CHST15: variants seen among roughly 807,000 people sequenced by gnomAD.
CHST15 encodes B cell RAG associated protein (GALNAC4S-6ST).
CHST15 carries 30 observed loss-of-function variants against 53.6 expected under a neutral mutation model. The ratio of observed to expected loss-of-function variants is 0.56; its 90% CI spans 0.42 to 0.76. The LOEUF is 0.76. Among genes scored for constraint, CHST15 ranks in the 30% least tolerant of loss-of-function variants. The pLI, the probability that CHST15 is intolerant of heterozygous loss-of-function variation, is 0.00. For missense variants in CHST15, 627 were observed against 740.5 expected (o/e 0.85, Z 1.78); for synonymous variants, 296 against 289.8 (o/e 1.02, Z -0.22).
intron 1 of CHST15, among the ~76,000 whole-genome samples, chr10:124,089,486 C>T (rs139178485): frequency 1.8e-3 from 281 of 152,258 alleles, no homozygotes; most frequent in African/African-American, 6.3e-3. Context: ...TCTAAGAGGC[C>T]TCAGCCCAGT....
intron 1 of CHST15, among the ~76,000 whole-genome samples, chr10:124,082,063 G>C (rs1590367562): frequency 6.6e-6 from 1 of 152,306 alleles, no homozygotes; most frequent in Non-Finnish European, 1.5e-5. Flanking sequence ...TGGATGGGGA[G>C]ATGTTCTGGG....
At chr10:124,029,215 C>T (rs1032772042) in intron 5 of CHST15, among the ~76,000 whole-genome samples, 19 of 152,176 alleles carry the variant, frequency 1.2e-4, no homozygotes, top group Non-Finnish European at 1.8e-4. Context: ...TGAGACGGAG[C>T]CCTTTTGTTC....
At chr10:124,065,290 G>A (rs745972173) in intron 1 of CHST15, among the ~76,000 whole-genome samples, 61 of 152,258 alleles carry the variant, frequency 4.0e-4, no homozygotes, top group Non-Finnish European at 5.6e-4. Context: ...GGCTGAGGTC[G>A]GGGGATCTCT....
In CHST15 at chr10:124,011,350, A is replaced by G. The variant is rs914778163; in HGVS notation, c.1495+983T>C. The G allele has an allele frequency of 6.2e-6, 6 of 969,522 alleles. No individual in the cohort carries two copies. The African/African-American group carries it at 1.1e-4, about 17-fold the overall frequency. 60.1% of individuals were successfully genotyped at this position (969,522 alleles called of 1,614,324 possible). ...AAAGACAAGCTCATTAATGGGACAG[A>G]GTCAACATGTGGTCAAATCAAAGAA... On this transcript the variant is annotated intron_variant, in intron 7 of 7. Coordinates refer to ENST00000435907, the MANE Select transcript of CHST15 (RefSeq NM_001270764.2).
intron 5 of CHST15, among the ~76,000 whole-genome samples, chr10:124,028,109 T>C (rs1947081594): frequency 6.6e-6 from 1 of 152,238 alleles, no homozygotes; most frequent in African/African-American, 2.4e-5. Context: ...AGGATAAACG[T>C]GAGGAACTCC....
chr10:124,014,023 AAAGCCTCC>A (rs1946504611), intron 6 of CHST15, among the ~76,000 whole-genome samples: 1 of 152,242 alleles, frequency 6.6e-6, no homozygotes, highest in Non-Finnish European at 1.5e-5. Flanking sequence ...AGCCCTGCTT[AAAGCCTCC>A]ATGGCTTTCT....
chr10:124,060,323 G>A (rs537369303), intron 1 of CHST15, among the ~76,000 whole-genome samples: 6 of 149,224 alleles, frequency 4.0e-5, no homozygotes, highest in Admixed American at 2.7e-4. Context: ...CCCCAGAAAC[G>A]TGTTGTGCCA....
chr10:124,076,246 T>C (rs1949066185), intron 1 of CHST15, among the ~76,000 whole-genome samples: 2 of 152,252 alleles, frequency 1.3e-5, no homozygotes, highest in South Asian at 4.1e-4. Flanking sequence ...GGGTTTTGTA[T>C]TCAGGTTTTC....
In CHST15 at chr10:124,019,729, A is replaced by G. The variant is rs1468211064; in HGVS notation, c.1347+1527T>C. ...AGTGAGATATTCCTTTTCCACTCCTACACTATCTTCTGCTTAAAACCCTCT... is the reference window on the plus strand; with the variant it reads ...AGTGAGATATTCCTTTTCCACTCCTGCACTATCTTCTGCTTAAAACCCTCT... On this transcript the variant is annotated intron_variant, in intron 6 of 7. Coordinates refer to ENST00000435907, the MANE Select transcript of CHST15 (RefSeq NM_001270764.2). The surrounding 1 kb of genome is among the most constrained non-coding windows in gnomAD (Gnocchi z 4.6). 2 of 960,900 alleles carry G rather than the reference A, an allele frequency of 2.1e-6. No individual in the cohort carries two copies. Among genetic ancestry groups the G allele is most frequent in the African/African-American group, 3.5e-5 (2 of 56,702 alleles). 59.5% of individuals were successfully genotyped at this position (960,900 alleles called of 1,614,324 possible).
intron 6 of CHST15, among the ~76,000 whole-genome samples, chr10:124,017,734 C>T (rs1278964254): frequency 6.6e-6 from 1 of 152,220 alleles, no homozygotes; most frequent in Non-Finnish European, 1.5e-5. Context: ...TGCTTACTGG[C>T]TGTGACTCCA....
intron 1 of CHST15, among the ~76,000 whole-genome samples, chr10:124,051,859 A>G (rs1038231269): frequency 1.6e-4 from 24 of 152,238 alleles, no homozygotes; most frequent in Non-Finnish European, 8.8e-5. Context: ...ATGCCCCCTC[A>G]GTGTAAGATC....
chr10:124,032,470 G>A (rs1294130681), intron 5 of CHST15, among the ~76,000 whole-genome samples: 2 of 152,256 alleles, frequency 1.3e-5, no homozygotes, highest in East Asian at 1.9e-4. Context: ...CACCTTCCAC[G>A]CATTTTTCAC....
Position 124,038,529 on chromosome 10 carries a change from C to T in CHST15, c.1176G>A (p.Arg392=). Residue 392 remains arginine, a synonymous_variant, in exon 5 of 8, where the codon AGG becomes AGA. Coordinates refer to ENST00000435907, the MANE Select transcript of CHST15 (RefSeq NM_001270764.2). ...QPNARLIVML[R]DPVERLYSDY... ...AAACTGCTCACCTCTCCACAGGGTC[C>T]CTGAGCATGACAATCAGTCTGGCAT... The T allele has an allele frequency of 6.2e-7, 1 of 1,614,226 alleles. No individual in the cohort carries two copies. Among genetic ancestry groups the T allele is most frequent in the Non-Finnish European group, 8.5e-7 (1 of 1,180,042 alleles).
rs569024756 is a variant in CHST15, at chr10:124,008,481, G to A, written c.*1668C>T. The A allele has an allele frequency of 2.2e-4, 218 of 993,078 alleles. 8 individuals carry two copies. The South Asian group carries it at 8.4e-3, about 38-fold the overall frequency. 61.5% of individuals were successfully genotyped at this position (993,078 alleles called of 1,614,324 possible). On this transcript the variant is annotated 3_prime_UTR_variant, in exon 8 of 8. Coordinates refer to ENST00000435907, the MANE Select transcript of CHST15 (RefSeq NM_001270764.2). ...TCCCAGTGCCGGCTATAGAGAAGGT[G>A]GGGACTGTCCCTGCAAGTGGGAGTT... is the stretch of plus-strand genomic sequence containing the variant.
intron 1 of CHST15, among the ~76,000 whole-genome samples, chr10:124,057,549 TCCTCTGG>T (rs1395738591): frequency 6.6e-6 from 1 of 152,078 alleles, no homozygotes; most frequent in Admixed American, 6.5e-5. Context: ...ACAGCCTGGG[TCCTCTGG>T]GAACATCCCA....
In CHST15 at chr10:124,046,333, T is replaced by C; in HGVS notation, c.-121A>G. The C allele has an allele frequency of 1.1e-6, 1 of 896,392 alleles. No homozygotes were observed. Among genetic ancestry groups the C allele is most frequent in the Non-Finnish European group, 1.7e-6 (1 of 602,566 alleles). The allele number at this position is 896,392 out of a possible 1,614,324, so 55.5% of individuals were successfully genotyped here. A position where few individuals can be genotyped will look rare whatever the true frequency, so the allele number is the denominator to read the frequency against. On this transcript the variant is annotated 5_prime_UTR_variant, in exon 2 of 8. Transcript: ENST00000435907. Reference sequence around the variant, plus strand: ...ATGCCTTGTGATCACAGAAGATGGATGGAAAGCACAAATACAAAAATAAGC... The same window carrying C: ...ATGCCTTGTGATCACAGAAGATGGACGGAAAGCACAAATACAAAAATAAGC...
intron 5 of CHST15, among the ~76,000 whole-genome samples, chr10:124,023,827 C>T (rs1027828463): frequency 6.6e-6 from 1 of 151,140 alleles, no homozygotes; most frequent in Non-Finnish European, 1.5e-5. Context: ...AGGTATCTGA[C>T]ATCCATATTT....
intron 5 of CHST15, among the ~76,000 whole-genome samples, chr10:124,030,546 C>T (rs1243694059): frequency 2.0e-5 from 3 of 152,234 alleles, no homozygotes; most frequent in Non-Finnish European, 2.9e-5. Flanking sequence ...TACATCCCCA[C>T]GGCTTTCTCC....
chr10:124,045,112 CAAAAAAA>C lies in CHST15; in HGVS notation c.547-200_547-194del, dbSNP rs758243657. On this transcript the variant is annotated intron_variant, in intron 2 of 7. Coordinates refer to ENST00000435907, the MANE Select transcript of CHST15 (RefSeq NM_001270764.2). ...TGCTTTCCTCTCCCCCGCCGCCCCA[CAAAAAAA>C]AAAAAAAAAAAAAAAAAAAAAAAAA... Among the ~76,000 whole-genome samples the C allele has an allele frequency of 5.0e-3, 169 of 33,756 alleles. 1 individual carries two copies. Among genetic ancestry groups the C allele is most frequent in the Admixed American group, 0.014 (29 of 2,104 alleles). The allele number at this position is 33,756 out of a possible 152,430, so 22.1% of individuals were successfully genotyped here. A position where few individuals can be genotyped will look rare whatever the true frequency, so the allele number is the denominator to read the frequency against.
Sources: gnomAD v4.1 joint callset for allele counts (sites outside exome capture counted in the v4.1 genomes callset) on GRCh38, gnomAD v4.1.1 for gene constraint, Gnocchi (gnomAD v3.1) non-coding constraint, MANE v1.5 for transcripts, NCBI Gene and HGNC (gene_info 2026-07-23, HGNC 2026-07-21) for gene names.